The following UMODL1 variants were observed in gnomAD, a reference collection of about 807,000 sequenced individuals.
UMODL1 encodes uromodulin-like 1.
In UMODL1, 128 loss-of-function variants were observed where a neutral mutation model predicts 136.3. The ratio of observed to expected loss-of-function variants is 0.94; its 90% confidence interval spans 0.81 to 1.09. The LOEUF is 1.09. UMODL1 is among the 50% of genes least tolerant of loss of function. The pLI, the probability that UMODL1 is intolerant of heterozygous loss-of-function variation, is 0.00. For missense variants in UMODL1, 1,766 were observed against 1,725.6 expected (o/e 1.02, Z -0.41); for synonymous variants, 721 against 720.0 (o/e 1.00, Z -0.02).
chr21:42,065,491 C>A (rs1342805793), intron 1 of UMODL1, among the ~76,000 whole-genome samples: 2 of 151,984 alleles, frequency 1.3e-5, no homozygotes, highest in African/African-American at 2.4e-5. Flanking sequence ...GGAAACAAGA[C>A]CCTGAAGTCC....
At chr21:42,109,081 A>G (rs1433054844) in intron 9 of UMODL1, among the ~76,000 whole-genome samples, 3 of 64,384 alleles carry the variant, frequency 4.7e-5, no homozygotes, top group Non-Finnish European at 8.9e-5. Flanking sequence ...ACTCCGCTGG[A>G]CCCCCACCCC....
chr21:42,069,893 A>G (rs1428145916), upstream of UMODL1, among the ~76,000 whole-genome samples: 1 of 152,116 alleles, frequency 6.6e-6, no homozygotes, highest in Non-Finnish European at 1.5e-5. Context: ...TAATAGCTTT[A>G]ACATTTATTC....
rs1172757845 is a variant in UMODL1 at position 42,103,661 on chromosome 21, G to A, written c.1300-207G>A. ...ACTGTGAGTCCCCAGCACACACCAG[G>A]CCAGGCCCGGCCGTCCCAGGGAAAG... On this transcript the variant is annotated intron_variant, in intron 8 of 22. Coordinates refer to ENST00000408910, the MANE Select transcript of UMODL1 (RefSeq NM_001004416.3). 5 of 696,124 alleles carry A rather than the reference G, an allele frequency of 7.2e-6. No individual in the cohort carries two copies. The South Asian group carries it at 7.5e-5, about 10-fold the overall frequency. 43.1% of individuals were successfully genotyped at this position (696,124 alleles called of 1,614,324 possible).
chr21:42,110,466 G>T (rs139066417), intron 10 of UMODL1, among the ~76,000 whole-genome samples: 1 of 152,110 alleles, frequency 6.6e-6, no homozygotes, highest in East Asian at 1.9e-4. Flanking sequence ...TTTCTCATTC[G>T]CCTAATGTCC....
intron 20 of UMODL1, among the ~76,000 whole-genome samples, chr21:42,128,861 C>T (rs550217125): frequency 3.3e-5 from 5 of 152,310 alleles, no homozygotes; most frequent in South Asian, 4.2e-4. Flanking sequence ...ATGAGCTTTC[C>T]GGGCTGCTGT....
At chr21:42,102,458 C>G in intron 8 of UMODL1, 180 bp downstream of exon 8, 1 of 502,728 alleles carries the variant, frequency 2.0e-6, no homozygotes, top group Non-Finnish European at 3.6e-6. Flanking sequence ...TTTCCCCCTG[C>G]TTTTATGGGG....
chr21:42,107,732 C>T (rs1459238410), intron 9 of UMODL1, among the ~76,000 whole-genome samples: 1 of 152,140 alleles, frequency 6.6e-6, no homozygotes, highest in Non-Finnish European at 1.5e-5. Flanking sequence ...AACTGAGGAG[C>T]CTGCACCTTG....
intron 6 of UMODL1, among the ~76,000 whole-genome samples, chr21:42,092,214 G>A (rs2839466): frequency 0.22 from 33,266 of 151,994 alleles, 3,838 homozygotes; most frequent in East Asian, 0.36. Flanking sequence ...GAGAATAGCC[G>A]AGAATCCTGC....
intron 1 of UMODL1, among the ~76,000 whole-genome samples, chr21:42,073,842 AAATCAACT>A (rs1338733398): frequency 6.6e-6 from 1 of 152,180 alleles, no homozygotes; most frequent in Non-Finnish European, 1.5e-5. Context: ...TCATTGAGGG[AAATCAACT>A]GTAATACTGA....
intron 1 of UMODL1, among the ~76,000 whole-genome samples, chr21:42,073,997 C>A (rs898063693): frequency 1.1e-4 from 16 of 152,292 alleles, no homozygotes; most frequent in African/African-American, 3.4e-4. Flanking sequence ...CTGCTAGGTG[C>A]CACGGGGGAG....
intron 1 of UMODL1, among the ~76,000 whole-genome samples, chr21:42,065,990 A>G (rs1024728368): frequency 1.3e-5 from 2 of 152,184 alleles, no homozygotes; most frequent in Non-Finnish European, 2.9e-5. Context: ...GCTCTTTTAC[A>G]TGAACCGTGA....
chr21:42,123,051 G>A lies in UMODL1; in HGVS notation c.3048G>A (p.Ser1016=), dbSNP rs375728887. 1.1e-5 allele frequency: 17 copies of A among 1,613,996 alleles called. No homozygotes were observed. Among genetic ancestry groups the A allele is most frequent in the Admixed American group, 3.3e-5 (2 of 59,998 alleles). Residue 1016 remains serine, a synonymous_variant, in exon 17 of 23, where the codon TCG becomes TCA. Coordinates refer to ENST00000408910, the MANE Select transcript of UMODL1 (RefSeq NM_001004416.3). This position sits in a 1 kb window ranked among gnomAD's most constrained non-coding sequence, Gnocchi z 4.4. ...AGCAGGAATCCATCCCCGAGTCCTC[G>A]TTGTACCTCAGCCACCCCTCCTGCA... The part of the protein sequence containing the change: ...FLQQESIPES[S]LYLSHPSCNV...
At chr21:42,079,214 C>A (rs576241300) in intron 2 of UMODL1, among the ~76,000 whole-genome samples, 2 of 152,202 alleles carry the variant, frequency 1.3e-5, no homozygotes, top group African/African-American at 4.8e-5. Context: ...CCCACCATCA[C>A]CTTCTGTAAG....
At chr21:42,095,087 C>CTGGT (rs1199662224) in intron 6 of UMODL1, among the ~76,000 whole-genome samples, 1 of 34,048 alleles carries the variant, frequency 2.9e-5, no homozygotes, top group African/African-American at 7.5e-5. Flanking sequence ...TTTTCTTCTG[C>CTGGT]TGTTTTTTTT....
At chr21:42,101,241 C>G (rs2066627850) in intron 7 of UMODL1, among the ~76,000 whole-genome samples, 1 of 151,970 alleles carries the variant, frequency 6.6e-6, no homozygotes, top group South Asian at 2.1e-4. Flanking sequence ...CCAGGGAGTC[C>G]AATTCCCAGG....
Position 42,098,932 on chromosome 21 carries a change from C to T in UMODL1, c.938C>T (p.Pro313Leu), listed in dbSNP as rs1268208511. ...TCTGTCTGTGCTTTCGTAGATTGTCCTCCAGTCAGTGACTACGTGGTCCTC... is the reference window on the plus strand; with the variant it reads ...TCTGTCTGTGCTTTCGTAGATTGTCTTCCAGTCAGTGACTACGTGGTCCTC... ...RKLNLEWEDCPPVSDYVVLNV... is the reference protein window; with the variant it reads ...RKLNLEWEDCLPVSDYVVLNV... Residue 313 changes from proline to leucine, a missense_variant, in exon 7 of 23, where the codon CCT becomes CTT. Pro to Leu is a moderately conservative substitution (Grantham distance 98). Transcript: ENST00000408910. The T allele has an allele frequency of 6.2e-7, 1 of 1,614,036 alleles. No homozygotes were observed. The highest frequency in any genetic ancestry group is 8.5e-7 in the Non-Finnish European group (1 of 1,180,030).
At chr21:42,108,923 A>ATG in intron 9 of UMODL1, among the ~76,000 whole-genome samples, 1 of 14,902 alleles carries the variant, frequency 6.7e-5, no homozygotes, top group South Asian at 2.9e-3. Context: ...CACCCCCCCC[A>ATG]CGAGAGAAGT....
intron 7 of UMODL1, 132 bp from the exon 8 acceptor site, chr21:42,102,034 C>T: frequency 1.6e-6 from 1 of 623,330 alleles, no homozygotes; most frequent in Non-Finnish European, 2.8e-6. Context: ...AATTAGGATA[C>T]CTCAATCTAA....
At chr21:42,138,317 T>G (rs1305885176) in intron 22 of UMODL1, among the ~76,000 whole-genome samples, 1 of 152,190 alleles carries the variant, frequency 6.6e-6, no homozygotes, top group Non-Finnish European at 1.5e-5. Flanking sequence ...CCCTGAAACC[T>G]GGTGCTCGTA....
Sources: allele counts gnomAD v4.1 joint callset (sites outside exome capture counted in the v4.1 genomes callset), GRCh38; gene constraint gnomAD v4.1.1; non-coding constraint Gnocchi (gnomAD v3.1); transcripts MANE v1.5; gene names NCBI Gene and HGNC (gene_info 2026-07-23, HGNC 2026-07-21).